CLEC16A: variants seen among roughly 807,000 people sequenced by gnomAD.
The protein encoded by CLEC16A is protein CLEC16A.
CLEC16A carries 51 observed loss-of-function variants against 109.5 expected under a neutral mutation model. The observed-to-expected ratio is 0.47, with a 90% CI of 0.37 to 0.59. The LOEUF (loss-of-function observed/expected upper bound fraction) is 0.59, where lower values mean the gene tolerates loss of function less well. Ranked by LOEUF, CLEC16A falls within the 20% of genes least tolerant of loss-of-function variation. The pLI is 0.00. For synonymous variants in CLEC16A, 673 were observed against 564.2 expected, an observed-to-expected ratio of 1.19 and a Z score of -2.73; for missense variants, 1,339 against 1,394.0, an observed-to-expected ratio of 0.96 and a Z score of 0.63.
intron 22 of CLEC16A, among the ~76,000 whole-genome samples, chr16:11,145,928 C>G (rs1355183547): frequency 6.6e-6 from 1 of 152,204 alleles, no homozygotes; most frequent in East Asian, 1.9e-4. Context: ...AGTTTGGTCC[C>G]TCTGCACTTC....
intron 10 of CLEC16A, among the ~76,000 whole-genome samples, chr16:10,990,641 A>G (rs1431559614): frequency 1.3e-5 from 2 of 152,260 alleles, no homozygotes; most frequent in African/African-American, 4.8e-5. Context: ...CAGATGGGGA[A>G]GAAGCCTTGT....
intron 11 of CLEC16A, among the ~76,000 whole-genome samples, chr16:11,008,004 T>C (rs1287457598): frequency 2.0e-5 from 3 of 152,074 alleles, no homozygotes; most frequent in African/African-American, 4.8e-5. Flanking sequence ...CTCAATCTCC[T>C]GCTGGGCAGT....
intron 17 of CLEC16A, among the ~76,000 whole-genome samples, chr16:11,051,196 T>C (rs1021650598): frequency 2.6e-5 from 4 of 152,202 alleles, no homozygotes; most frequent in Non-Finnish European, 5.9e-5. Flanking sequence ...GGCCTCCTGC[T>C]GAGAATCCCT....
Position 11,024,864 on chromosome 16 carries a change from G to T in CLEC16A, c.1480G>T (p.Asp494Tyr), listed in dbSNP as rs777259686. The change falls in exon 13 of 24, where the codon GAT becomes TAT. Residue 494 changes from aspartate (D) to tyrosine (Y), a missense_variant. Physicochemically the swap from Asp to Tyr is radical, Grantham distance 160. This residue lies in a region of CLEC16A where 1,061 missense variants were observed against 1,006.8 expected (regional missense o/e 1.05). Coordinates refer to ENST00000409790, the MANE Select transcript of CLEC16A (RefSeq NM_015226.3). The stretch of plus-strand genomic sequence containing the variant: ...GTACCACGCGCTGGACAGCCCGGAT[G>T]ATGATTACCATGCCCTGTTCGTGCT... ...MVYHALDSPD[D>Y]DYHALFVLCL... 6.2e-7 allele frequency: 1 copy of T among 1,609,986 alleles called. No individual in the cohort carries two copies.
In CLEC16A at chr16:11,045,708, G is replaced by C. The variant is rs115105525; in HGVS notation, c.1816-1584G>C. ...TCAGGTCTCTGCAGATCCTGCGAGT[G>C]ATGGTTTCCCCTCTTAACGTGGCTG... On this transcript the variant is annotated intron_variant, in intron 16 of 23. Coordinates refer to ENST00000409790, the MANE Select transcript of CLEC16A (RefSeq NM_015226.3). 4.4e-3 allele frequency among the ~76,000 whole-genome samples: 676 copies of C among 152,302 alleles called. 10 individuals carry two copies. The highest frequency in any genetic ancestry group is 0.015 in the African/African-American group (640 of 41,566).
chr16:11,114,086 G>T (rs1352293362), intron 19 of CLEC16A, among the ~76,000 whole-genome samples: 1 of 150,836 alleles, frequency 6.6e-6, no homozygotes. Context: ...ATGGGCAGAA[G>T]ATGGTATTTT....
chr16:11,137,960 G>A, intron 22 of CLEC16A, among the ~76,000 whole-genome samples: 1 of 152,228 alleles, frequency 6.6e-6, no homozygotes, highest in African/African-American at 2.4e-5. Context: ...ACAGGCAGAA[G>A]CCATTTGATT....
At chr16:11,154,517 T>A (rs765134102) in intron 22 of CLEC16A, among the ~76,000 whole-genome samples, 17 of 152,348 alleles carry the variant, frequency 1.1e-4, no homozygotes, top group Non-Finnish European at 2.2e-4. Flanking sequence ...CCTAAAATCT[T>A]CAGTCATAAC....
At chr16:11,147,093 CA>C (rs1267694917) in intron 22 of CLEC16A, among the ~76,000 whole-genome samples, 4 of 151,750 alleles carry the variant, frequency 2.6e-5, no homozygotes, top group Non-Finnish European at 5.9e-5. Context: ...GTGTCCCAGA[CA>C]GGGGCTGCCA....
intron 10 of CLEC16A, among the ~76,000 whole-genome samples, chr16:11,001,036 A>G (rs971528551): frequency 6.6e-6 from 1 of 152,182 alleles, no homozygotes; most frequent in Non-Finnish European, 1.5e-5. Context: ...CCCGCCCTAA[A>G]CAAATCAATT....
At chr16:11,175,235 G>A (rs986266838) in intron 23 of CLEC16A, among the ~76,000 whole-genome samples, 2 of 152,204 alleles carry the variant, frequency 1.3e-5, no homozygotes, top group Non-Finnish European at 2.9e-5. Flanking sequence ...GGCACATGGG[G>A]GACCTGCTGC....
chr16:11,082,905 G>T (rs997606800), intron 19 of CLEC16A, among the ~76,000 whole-genome samples: 1 of 152,298 alleles, frequency 6.6e-6, no homozygotes, highest in East Asian at 1.9e-4. Context: ...TCTCCATCCA[G>T]TTAGGGAGAG....
intron 22 of CLEC16A, among the ~76,000 whole-genome samples, chr16:11,159,212 C>T (rs1183300874): frequency 6.6e-6 from 1 of 152,234 alleles, no homozygotes; most frequent in Non-Finnish European, 1.5e-5. Context: ...CTCTACCAGG[C>T]CCTGCCATCT....
intron 18 of CLEC16A, among the ~76,000 whole-genome samples, chr16:11,052,484 G>C (rs1305851117): frequency 6.6e-6 from 1 of 152,184 alleles, no homozygotes; most frequent in African/African-American, 2.4e-5. Flanking sequence ...TGCAGCTGGT[G>C]GTTCTACCTC....
intron 22 of CLEC16A, among the ~76,000 whole-genome samples, chr16:11,134,980 A>G (rs1181641920): frequency 6.6e-6 from 1 of 152,248 alleles, no homozygotes; most frequent in Non-Finnish European, 1.5e-5. Context: ...GCAGCAATCC[A>G]GAAAGATGCT....
intron 19 of CLEC16A, among the ~76,000 whole-genome samples, chr16:11,111,138 C>A (rs918382728): frequency 6.6e-6 from 1 of 151,996 alleles, no homozygotes; most frequent in African/African-American, 2.4e-5. Flanking sequence ...TTTAGATGTG[C>A]CTGGATGTAG....
intron 19 of CLEC16A, among the ~76,000 whole-genome samples, chr16:11,081,928 A>T (rs938381091): frequency 1.3e-5 from 2 of 152,128 alleles, no homozygotes; most frequent in African/African-American, 2.4e-5. Flanking sequence ...GCTACTTGGG[A>T]GGTTGAGGTG....
chr16:11,073,222 C>T (rs553176161), intron 19 of CLEC16A, among the ~76,000 whole-genome samples: 7 of 152,236 alleles, frequency 4.6e-5, no homozygotes, highest in African/African-American at 1.2e-4. Flanking sequence ...CCCGGGGTCC[C>T]GTGTTTTTGT....
chr16:11,115,704 C>T (rs1471876618), intron 19 of CLEC16A, among the ~76,000 whole-genome samples: 1 of 151,800 alleles, frequency 6.6e-6, no homozygotes, highest in Non-Finnish European at 1.5e-5. Context: ...AAAACAAACC[C>T]TACCTACCAC....
Sources: gnomAD v4.1 joint callset for allele counts (sites outside exome capture counted in the v4.1 genomes callset) on GRCh38, gnomAD v4.1.1 for gene constraint, gnomAD v4.1.1 regional missense constraint, MANE v1.5 for transcripts, NCBI Gene and HGNC (gene_info 2026-07-23, HGNC 2026-07-21) for gene names.